USP40: variants seen among roughly 807,000 people sequenced by gnomAD.
USP40 encodes the protein ubiquitin specific peptidase 40.
In USP40, 143 loss-of-function variants were observed where a neutral mutation model predicts 166.2. The observed-to-expected ratio is 0.86, with a 90% CI of 0.75 to 0.99. USP40 has a LOEUF of 0.99. Ranked by LOEUF, USP40 falls within the 50% of genes least tolerant of loss-of-function variation. The pLI, the probability that USP40 is intolerant of heterozygous loss-of-function variation, is 0.00. For missense variants in USP40, 1,444 were observed against 1,479.7 expected (o/e 0.98, Z 0.40); for synonymous variants, 498 against 524.0 (o/e 0.95, Z 0.68).
At chr2:233,516,790 G>C (rs972951664) in intron 18 of USP40, among the ~76,000 whole-genome samples, 2 of 151,396 alleles carry the variant, frequency 1.3e-5, no homozygotes, top group Admixed American at 6.6e-5. Context: ...CCAGGAGACA[G>C]AGGTTGTAGT....
chr2:233,495,669 G>T (rs897385006), intron 24 of USP40, among the ~76,000 whole-genome samples: 4 of 152,108 alleles, frequency 2.6e-5, no homozygotes, highest in Admixed American at 2.6e-4. Context: ...AAAAGCAAAG[G>T]CCTTTGGAAG....
chr2:233,524,756 G>A (rs1412768010), intron 14 of USP40, among the ~76,000 whole-genome samples, 194 bp from the exon 15 acceptor site: 1 of 152,148 alleles, frequency 6.6e-6, no homozygotes. Flanking sequence ...AAGCTTGTGA[G>A]CATGGTGGCA....
intron 24 of USP40, among the ~76,000 whole-genome samples, chr2:233,494,960 A>ATATATT (rs1559224407): frequency 3.1e-4 from 19 of 61,734 alleles, no homozygotes; most frequent in African/African-American, 1.4e-3. Context: ...ATATATTTAT[A>ATATATT]TATATATATA....
intron 18 of USP40, among the ~76,000 whole-genome samples, chr2:233,514,691 A>G (rs948318992): frequency 9.2e-5 from 14 of 152,258 alleles, no homozygotes. Flanking sequence ...CAAGAGTGGA[A>G]GAAGGGAGAC....
At chr2:233,511,931 A>G (rs2066870368) in intron 19 of USP40, 134 bp from the exon 20 acceptor site, 2 of 663,346 alleles carry the variant, frequency 3.0e-6, no homozygotes, top group Admixed American at 6.3e-5. Context: ...CTTCAGACAA[A>G]AGGATTACAT....
intron 10 of USP40, 69 bp downstream of exon 10, chr2:233,540,593 A>G: frequency 2.2e-6 from 2 of 924,410 alleles, no homozygotes; most frequent in Non-Finnish European, 3.4e-6. Flanking sequence ...CTGCAAAGGA[A>G]TTCATGTTGT....
In USP40 at chr2:233,496,748, A is replaced by G. The variant is rs1468196029; in HGVS notation, c.2790+10T>C. ...ACTTAAGAGTTGTCTATTCAGAAGT[A>G]AAATCTTACCAGAGGAGGAAGTTGT... On this transcript the variant is annotated intron_variant, in intron 24 of 31. Coordinates refer to ENST00000678225, the MANE Select transcript of USP40 (RefSeq NM_001365479.2). 6.2e-7 allele frequency: 1 copy of G among 1,608,614 alleles called. No individual in the cohort carries two copies. Among genetic ancestry groups the G allele is most frequent in the African/African-American group, 1.3e-5 (1 of 74,806 alleles).
At chr2:233,501,196 TA>T (rs1445284822) in intron 21 of USP40, among the ~76,000 whole-genome samples, 1 of 152,194 alleles carries the variant, frequency 6.6e-6, no homozygotes, top group African/African-American at 2.4e-5. Flanking sequence ...GCAATCAACT[TA>T]ATTGTGTTTT....
At chr2:233,529,831 G>A (rs1418546692) in intron 11 of USP40, among the ~76,000 whole-genome samples, 9 of 43,376 alleles carry the variant, frequency 2.1e-4, no homozygotes, top group Admixed American at 1.0e-3. Flanking sequence ...TTTTTGAGAC[G>A]GAGTCTCACT....
chr2:233,554,257 T>C lies in USP40; in HGVS notation c.693+123A>G. ...AAAAATTAAAATACAGAAAATGATGTAAATATCTTTTCAATCCTTAGTGTC... is the reference window on the plus strand; with the variant it reads ...AAAAATTAAAATACAGAAAATGATGCAAATATCTTTTCAATCCTTAGTGTC... On this transcript the variant is annotated intron_variant, in intron 6 of 31. Coordinates refer to ENST00000678225, the MANE Select transcript of USP40 (RefSeq NM_001365479.2). The C allele has an allele frequency of 2.9e-6, 3 of 1,026,062 alleles. No individual in the cohort carries two copies. The Admixed American group carries it at 1.1e-4, about 37-fold the overall frequency. The allele number at this position is 1,026,062 out of a possible 1,614,324, so 63.6% of individuals were successfully genotyped here.
In USP40 at chr2:233,475,991, G is replaced by C. The variant is rs189645204; in HGVS notation, c.*1401C>G. 1 of 152,564 alleles carries C rather than the reference G, an allele frequency of 6.6e-6. No individual in the cohort carries two copies. The highest frequency in any genetic ancestry group is 1.9e-4 in the East Asian group (1 of 5,308). The allele number at this position is 152,564 out of a possible 1,614,324, so 9.5% of individuals were successfully genotyped here. ...GGTTAGTGTTTGGGAGTGGGAGGCAGCTGCTAGTCAGAGTTGGGTCCTTAG... is the reference window on the plus strand; with the variant it reads ...GGTTAGTGTTTGGGAGTGGGAGGCACCTGCTAGTCAGAGTTGGGTCCTTAG... On this transcript the variant is annotated 3_prime_UTR_variant, in exon 32 of 32. Coordinates refer to ENST00000678225, the MANE Select transcript of USP40 (RefSeq NM_001365479.2).
At chr2:233,520,524 A>G (rs1457714594) in intron 17 of USP40, among the ~76,000 whole-genome samples, 2 of 152,178 alleles carry the variant, frequency 1.3e-5, no homozygotes, top group Non-Finnish European at 1.5e-5. Flanking sequence ...TCAAATGGAG[A>G]ACTGAAAGAG....
At position 233,533,717 on chromosome 2, in the gene USP40, CAA is replaced by C. The variant is rs1326123115; in HGVS notation, c.1231_1232del (p.Leu411GlufsTer3). The C allele has an allele frequency of 6.2e-7, 1 of 1,612,814 alleles. No homozygotes were observed. The highest frequency in any genetic ancestry group is 1.3e-5 in the African/African-American group (1 of 74,758). ...LSSDESTVRL[L>X]KNSSLQAESD... ...ACTCAGCCTGGAGAGAACTATTCTT[CAA>C]GAGACGAACTGTACTTTCATCTGAA... On this transcript the variant is annotated frameshift_variant, in exon 11 of 32. Coordinates refer to ENST00000678225, the MANE Select transcript of USP40 (RefSeq NM_001365479.2). LOFTEE classifies it high-confidence loss of function.
chr2:233,530,008 C>T (rs1457106262), intron 11 of USP40, among the ~76,000 whole-genome samples: 1 of 151,468 alleles, frequency 6.6e-6, no homozygotes, highest in Non-Finnish European at 1.5e-5. Flanking sequence ...CCATGTTGCC[C>T]AGGCTGGTTT....
chr2:233,485,405 C>T, intron 30 of USP40, 126 bp downstream of exon 30: 1 of 799,048 alleles, frequency 1.3e-6, no homozygotes, highest in African/African-American at 1.7e-5. Flanking sequence ...CTTTTTTATC[C>T]ATTCTCTGAA....
Position 233,565,366 on chromosome 2 carries a change from A to G in USP40, c.189T>C (p.Pro63=). Residue 63 remains proline (P), a synonymous_variant, in exon 2 of 32, where the codon CCT becomes CCC. Coordinates refer to ENST00000678225, the MANE Select transcript of USP40 (RefSeq NM_001365479.2). ...NSLLQTLHFT[P]EFREALFSLG... ...CGTAACATAGCATACCTCTGAATTC[A>G]GGTGTGAAATGAAGAGTCTGAAGAA... 4 of 1,536,240 alleles carry G rather than the reference A, an allele frequency of 2.6e-6. No individual in the cohort carries two copies. Among genetic ancestry groups the G allele is most frequent in the Non-Finnish European group, 3.5e-6 (4 of 1,145,974 alleles).
chr2:233,490,846 G>A (rs1482979006), intron 26 of USP40, among the ~76,000 whole-genome samples: 6 of 152,028 alleles, frequency 3.9e-5, no homozygotes, highest in Admixed American at 3.9e-4. Context: ...TAAATAAAGG[G>A]ATAAAGTGAA....
chr2:233,500,170 A>G (rs746298271), intron 21 of USP40, among the ~76,000 whole-genome samples: 45 of 152,312 alleles, frequency 3.0e-4, no homozygotes, highest in Non-Finnish European at 5.9e-4. Flanking sequence ...AGTTTCATCC[A>G]CCAACTCCCA....
In USP40 at chr2:233,510,146, G is replaced by A. The variant is rs1467649071; in HGVS notation, c.2527-11C>T. 6.4e-7 allele frequency: 1 copy of A among 1,573,562 alleles called. No homozygotes were observed. Among genetic ancestry groups the A allele is most frequent in the African/African-American group, 1.4e-5 (1 of 73,908 alleles). On this transcript the variant is annotated splice_polypyrimidine_tract_variant and intron_variant, in intron 20 of 31. Transcript: ENST00000678225. ...AAAAAACAGGAACAACTAATAACAAGACAGATGTGTAAATGCAATTTAATC... is the reference window on the plus strand; with the variant it reads ...AAAAAACAGGAACAACTAATAACAAAACAGATGTGTAAATGCAATTTAATC...
Sources: allele counts gnomAD v4.1 joint callset (sites outside exome capture counted in the v4.1 genomes callset), GRCh38; gene constraint gnomAD v4.1.1; transcripts MANE v1.5; gene names NCBI Gene and HGNC (gene_info 2026-07-23, HGNC 2026-07-21).